The following GRIN2B variants were observed in gnomAD, a reference collection of about 807,000 sequenced individuals.
GRIN2B encodes glutamate receptor ionotropic, NMDA 2B.
A neutral mutation model predicts 114.5 loss-of-function variants in GRIN2B; 5 were observed. The observed-to-expected ratio is 0.04, with a 90% CI of 0.02 to 0.09. The LOEUF (loss-of-function observed/expected upper bound fraction) is 0.09. GRIN2B is among the 10% of genes least tolerant of loss of function. The probability of loss-of-function intolerance (pLI) is 1.00; values close to 1 mark genes in which losing one functional copy is unlikely to be tolerated. For missense variants in GRIN2B, 1,108 were observed against 1,943.5 expected, an observed-to-expected ratio of 0.57 and a Z score of 8.08; for synonymous variants, 787 against 745.1, an observed-to-expected ratio of 1.06 and a Z score of -0.92.
At chr12:13,729,839 A>C in intron 4 of GRIN2B, among the ~76,000 whole-genome samples, 1 of 146,576 alleles carries the variant, frequency 6.8e-6, no homozygotes, top group East Asian at 2.1e-4. Context: ...GTGGGAGGAT[A>C]AGGGTGAGGA....
At chr12:13,911,519 C>CT (rs1372182558) in intron 2 of GRIN2B, among the ~76,000 whole-genome samples, 4 of 152,218 alleles carry the variant, frequency 2.6e-5, no homozygotes, top group Non-Finnish European at 5.9e-5. Context: ...CATACTTCTC[C>CT]TTGGCTACCT....
At chr12:13,734,233 G>C (rs1863143304) in intron 4 of GRIN2B, among the ~76,000 whole-genome samples, 1 of 152,132 alleles carries the variant, frequency 6.6e-6, no homozygotes, top group Admixed American at 6.6e-5. Context: ...TCAAGATATG[G>C]GAAATAGAGC....
At chr12:13,629,872 G>A (rs1462881807) in intron 5 of GRIN2B, among the ~76,000 whole-genome samples, 4 of 152,088 alleles carry the variant, frequency 2.6e-5, no homozygotes, top group Admixed American at 1.3e-4. Flanking sequence ...CTTAGGATTC[G>A]GCTCAGTAGC....
intron 2 of GRIN2B, among the ~76,000 whole-genome samples, chr12:13,925,257 A>T (rs1866893609): frequency 6.6e-6 from 1 of 152,102 alleles, no homozygotes; most frequent in South Asian, 2.1e-4. Context: ...TCCTATAAAA[A>T]CTTGACCCAC....
intron 2 of GRIN2B, among the ~76,000 whole-genome samples, chr12:13,867,022 G>T (rs1865839116): frequency 6.6e-6 from 1 of 152,098 alleles, no homozygotes; most frequent in African/African-American, 2.4e-5. Flanking sequence ...TCCAATATGT[G>T]TTCTATTACA....
At chr12:13,689,907 A>G (rs1317553314) in intron 4 of GRIN2B, among the ~76,000 whole-genome samples, 1 of 152,086 alleles carries the variant, frequency 6.6e-6, no homozygotes, top group Non-Finnish European at 1.5e-5. Context: ...ATGGACTCAG[A>G]TCAAATCTTA....
intron 9 of GRIN2B, among the ~76,000 whole-genome samples, chr12:13,609,499 C>T (rs1020970033): frequency 3.9e-5 from 6 of 152,148 alleles, no homozygotes; most frequent in African/African-American, 1.4e-4. Flanking sequence ...AGAGGCCAGG[C>T]ATGGTGGCTC....
At chr12:13,709,981 A>T (rs575604640) in intron 4 of GRIN2B, among the ~76,000 whole-genome samples, 1 of 152,160 alleles carries the variant, frequency 6.6e-6, no homozygotes, top group East Asian at 1.9e-4. Flanking sequence ...AAAAATGTTC[A>T]GAGCATTTTT....
At chr12:13,736,142 G>GC (rs1555129357) in intron 4 of GRIN2B, among the ~76,000 whole-genome samples, 3 of 128,486 alleles carry the variant, frequency 2.3e-5, no homozygotes, top group African/African-American at 5.4e-5. Flanking sequence ...AAGCGGGGGG[G>GC]GGGGGGGGTT....
chr12:13,829,909 T>G (rs1865116624), intron 3 of GRIN2B, among the ~76,000 whole-genome samples: 2 of 152,132 alleles, frequency 1.3e-5, no homozygotes, highest in Admixed American at 6.5e-5. Context: ...CCCAACATGT[T>G]GTGAGAAGGT....
chr12:13,955,980 C>A, intron 2 of GRIN2B, among the ~76,000 whole-genome samples: 1 of 152,160 alleles, frequency 6.6e-6, no homozygotes, highest in Non-Finnish European at 1.5e-5. Context: ...CAGAGTGATA[C>A]GTAAGAATGC....
At chr12:13,979,643 T>C (rs772731255) in intron 2 of GRIN2B, among the ~76,000 whole-genome samples, 120 of 152,172 alleles carry the variant, frequency 7.9e-4, no homozygotes, top group Non-Finnish European at 1.3e-3. Flanking sequence ...TGGCTATGTC[T>C]ATAGATATAG....
intron 5 of GRIN2B, among the ~76,000 whole-genome samples, chr12:13,624,160 T>G (rs2136490355): frequency 6.6e-6 from 1 of 152,352 alleles, no homozygotes; most frequent in South Asian, 2.1e-4. Context: ...AAATGTTAGC[T>G]GTATTTCAAA....
chr12:13,687,395 A>T (rs1950181950), intron 4 of GRIN2B, among the ~76,000 whole-genome samples: 1 of 151,658 alleles, frequency 6.6e-6, no homozygotes, highest in Admixed American at 6.6e-5. Flanking sequence ...TTTTTTCTCC[A>T]CTTTGACTTG....
Position 13,547,981 on chromosome 12 carries a change from A to ATATATATATATATATATTTTTTT in GRIN2B, c.*14801_*14802insAAAAAAATATATATATATATATA. 1 of 68,576 alleles carries ATATATATATATATATATTTTTTT rather than the reference A, an allele frequency of 1.5e-5. No individual in the cohort carries two copies. The highest frequency in any genetic ancestry group is 4.6e-5 in the African/African-American group (1 of 21,748). The allele number at this position is 68,576 out of a possible 1,614,324, so 4.2% of individuals were successfully genotyped here. ...TGTGTATATATATATATATATATAT[A>ATATATATATATATATATTTTTTT]TTTTTTTTTTTTTTCTGAAAGCTAC... On this transcript the variant is annotated 3_prime_UTR_variant, in exon 14 of 14. Transcript: ENST00000609686.
rs12315475 is a variant in GRIN2B at position 13,625,183 on chromosome 12, G to A, written c.1126-8526C>T. 5.9e-3 allele frequency among the ~76,000 whole-genome samples: 896 copies of A among 152,256 alleles called. 8 individuals carry two copies. Among genetic ancestry groups the A allele is most frequent in the African/African-American group, 0.02 (842 of 41,522 alleles). On this transcript the variant is annotated intron_variant, in intron 5 of 13. Transcript: ENST00000609686. ...ACCAAAAAACCCAAGGCTCATTGACGGACCAGAATTTTGTCTCTGATTTGT... is the reference window on the plus strand; with the variant it reads ...ACCAAAAAACCCAAGGCTCATTGACAGACCAGAATTTTGTCTCTGATTTGT...
chr12:13,932,986 T>TGTGTGTGC (rs61241187), intron 2 of GRIN2B, among the ~76,000 whole-genome samples: 6,594 of 148,274 alleles, frequency 0.044, 229 homozygotes, highest in Non-Finnish European at 0.06. Flanking sequence ...TGTGTGTGTG[T>TGTGTGTGC]GCGTGTGCGT....
intron 10 of GRIN2B, among the ~76,000 whole-genome samples, chr12:13,597,916 G>T (rs1450107759): frequency 1.3e-5 from 2 of 152,156 alleles, no homozygotes; most frequent in Admixed American, 1.3e-4. Flanking sequence ...AAATAGGCAG[G>T]TTTGGCCCCA....
intron 4 of GRIN2B, among the ~76,000 whole-genome samples, chr12:13,690,371 TCTCACA>T (rs139378409): frequency 0.077 from 6,699 of 87,466 alleles, 244 homozygotes; most frequent in African/African-American, 0.14. Flanking sequence ...TCTCTCTCTC[TCTCACA>T]CACACACACA....
Sources: allele counts gnomAD v4.1 joint callset (sites outside exome capture counted in the v4.1 genomes callset), GRCh38; gene constraint gnomAD v4.1.1; transcripts MANE v1.5; gene names NCBI Gene and HGNC (gene_info 2026-07-23, HGNC 2026-07-21).